The following PCDH15 variants were observed in gnomAD, a reference collection of about 807,000 sequenced individuals.
PCDH15 encodes protocadherin-15.
Under a neutral mutation model 178.5 loss-of-function variants are expected in PCDH15, and 129 were observed. That is an observed-to-expected ratio of 0.72 (90% confidence interval 0.63 to 0.84). PCDH15 has a LOEUF of 0.84. Ranked by LOEUF, PCDH15 falls within the 40% of genes least tolerant of loss-of-function variation. The probability of loss-of-function intolerance (pLI) is 0.00; values close to 1 mark genes in which losing one functional copy is unlikely to be tolerated. For synonymous variants in PCDH15, 800 were observed against 732.0 expected (o/e 1.09, Z -1.50); for missense variants, 2,230 against 2,099.9 (o/e 1.06, Z -1.21).
At chr10:55,209,817 A>G (rs984132888) in intron 1 of PCDH15, among the ~76,000 whole-genome samples, 6 of 152,132 alleles carry the variant, frequency 3.9e-5, no homozygotes, top group African/African-American at 1.4e-4. Context: ...GGATATAAGC[A>G]CTATGCTCAA....
At chr10:55,009,964 C>T (rs1840013386) in intron 2 of PCDH15, among the ~76,000 whole-genome samples, 1 of 152,102 alleles carries the variant, frequency 6.6e-6, no homozygotes, top group East Asian at 1.9e-4. Flanking sequence ...CTTGATAAAT[C>T]TTCTGTTCTC....
At position 54,627,943 on chromosome 10, in the gene PCDH15, T is replaced by C. The variant is rs117799995; in HGVS notation, c.91+36229A>G. ...GTCTTTGCCATAAGAAACTTAATAA[T>C]AACTAATATCTCTAGGCTACTATTT... On this transcript the variant is annotated intron_variant, in intron 2 of 37. Transcript: ENST00000644397. Among the ~76,000 whole-genome samples the C allele has an allele frequency of 2.4e-3, 370 of 152,342 alleles. 7 individuals are homozygous for C. In the East Asian group the frequency reaches 0.043, roughly 18 times the overall value.
intron 2 of PCDH15, among the ~76,000 whole-genome samples, chr10:54,611,360 C>A (rs544195757): frequency 6.6e-6 from 1 of 151,932 alleles, no homozygotes; most frequent in Non-Finnish European, 1.5e-5. Flanking sequence ...GACACAGAAG[C>A]ACATATTCTC....
At chr10:55,307,180 C>T (rs116488762) in intron 1 of PCDH15, among the ~76,000 whole-genome samples, 2,408 of 151,970 alleles carry the variant, frequency 0.016, 65 homozygotes, top group African/African-American at 0.054. Context: ...GTATATTTTA[C>T]ATTTCTAATC....
intron 13 of PCDH15, among the ~76,000 whole-genome samples, chr10:54,176,043 G>A (rs1173592152): frequency 6.6e-6 from 1 of 152,090 alleles, no homozygotes; most frequent in Non-Finnish European, 1.5e-5. Context: ...AGATCATCTC[G>A]GGAAAGGACT....
At chr10:55,192,796 T>A (rs1336930799) in intron 1 of PCDH15, among the ~76,000 whole-genome samples, 2 of 151,372 alleles carry the variant, frequency 1.3e-5, no homozygotes. Context: ...CATATGTACA[T>A]GCATACATGT....
intron 2 of PCDH15, among the ~76,000 whole-genome samples, chr10:55,411,112 G>C (rs1045983197): frequency 6.6e-6 from 1 of 152,094 alleles, no homozygotes; most frequent in African/African-American, 2.4e-5. Context: ...TGTCCTTAGT[G>C]TAGCAATTTT....
chr10:54,456,619 A>T (rs1375093261), intron 3 of PCDH15, among the ~76,000 whole-genome samples: 1 of 152,148 alleles, frequency 6.6e-6, no homozygotes, highest in East Asian at 1.9e-4. Context: ...ACTTTGGGGA[A>T]CTGTTGGAAG....
chr10:54,355,661 A>G (rs1480531752), intron 5 of PCDH15, among the ~76,000 whole-genome samples: 4 of 152,062 alleles, frequency 2.6e-5, no homozygotes, highest in Non-Finnish European at 5.9e-5. Flanking sequence ...CCTAAGAAAA[A>G]TATTTTGGGT....
chr10:54,086,816 G>A (rs1310138633), intron 16 of PCDH15, among the ~76,000 whole-genome samples: 1 of 152,140 alleles, frequency 6.6e-6, no homozygotes, highest in East Asian at 1.9e-4. Flanking sequence ...GTCTGTCCAG[G>A]TTGACCTAAG....
intron 21 of PCDH15, among the ~76,000 whole-genome samples, chr10:53,990,534 T>C: frequency 1.4e-5 from 2 of 147,826 alleles, no homozygotes; most frequent in Middle Eastern, 7.1e-3. Flanking sequence ...GTTCTATATA[T>C]GTTTTATATA....
Position 53,916,315 on chromosome 10 carries a change from T to G in PCDH15, c.3374-12945A>C, listed in dbSNP as rs189914403. Among the ~76,000 whole-genome samples the G allele has an allele frequency of 3.3e-5, 5 of 152,338 alleles. No homozygotes were observed. In the East Asian group the frequency reaches 9.7e-4, roughly 29 times the overall value. On this transcript the variant is annotated intron_variant, in intron 25 of 37. Transcript: ENST00000644397. ...AAACAGTAATATTCTAAGTATTACTTAAATTTTGGTTTTGAATCCATTTTA... is the reference window on the plus strand; with the variant it reads ...AAACAGTAATATTCTAAGTATTACTGAAATTTTGGTTTTGAATCCATTTTA...
chr10:55,270,564 A>G (rs1159786448), intron 1 of PCDH15, among the ~76,000 whole-genome samples: 1 of 152,220 alleles, frequency 6.6e-6, no homozygotes, highest in African/African-American at 2.4e-5. Flanking sequence ...TAATTATCAG[A>G]GAAATGTAAA....
intron 2 of PCDH15, among the ~76,000 whole-genome samples, chr10:55,029,052 G>A (rs1840546664): frequency 6.6e-6 from 1 of 151,970 alleles, no homozygotes; most frequent in African/African-American, 2.4e-5. Context: ...CCAATAAGGA[G>A]AGTGAGACTT....
chr10:54,416,130 A>AAT (rs1381210080), intron 3 of PCDH15, among the ~76,000 whole-genome samples: 2 of 151,890 alleles, frequency 1.3e-5, no homozygotes, highest in Non-Finnish European at 2.9e-5. Context: ...TGCCAAGCTA[A>AAT]ATATATATAT....
At chr10:53,914,619 T>C (rs971045333) in intron 25 of PCDH15, among the ~76,000 whole-genome samples, 7 of 151,740 alleles carry the variant, frequency 4.6e-5, no homozygotes, top group Non-Finnish European at 8.8e-5. Context: ...TGTTGTGGAG[T>C]TGGGGGCTGG....
At chr10:54,249,244 G>T (rs1327901278) in intron 8 of PCDH15, among the ~76,000 whole-genome samples, 1 of 151,694 alleles carries the variant, frequency 6.6e-6, no homozygotes, top group Non-Finnish European at 1.5e-5. Context: ...CATAACATTG[G>T]TCTTCATCAA....
intron 3 of PCDH15, among the ~76,000 whole-genome samples, chr10:54,380,265 C>G (rs768812071): frequency 2.0e-5 from 3 of 151,874 alleles, no homozygotes; most frequent in Non-Finnish European, 4.4e-5. Flanking sequence ...TTTTCACATA[C>G]TAGGACATAA....
intron 2 of PCDH15, among the ~76,000 whole-genome samples, chr10:54,561,101 G>A (rs1400345409): frequency 2.6e-5 from 4 of 152,008 alleles, no homozygotes; most frequent in Non-Finnish European, 2.9e-5. Context: ...AAAATAAGTT[G>A]GCAAGTCAAG....
Sources: gnomAD v4.1 joint callset for allele counts (sites outside exome capture counted in the v4.1 genomes callset) on GRCh38, gnomAD v4.1.1 for gene constraint, MANE v1.5 for transcripts, NCBI Gene and HGNC (gene_info 2026-07-23, HGNC 2026-07-21) for gene names.